The following ARHGAP20 variants were observed in gnomAD, a reference collection of about 807,000 sequenced individuals.
The protein encoded by ARHGAP20 is rho GTPase-activating protein 20.
Under a neutral mutation model 73.7 loss-of-function variants are expected in ARHGAP20, and 34 were observed. That is an observed-to-expected ratio of 0.46 (90% CI 0.35 to 0.61). The LOEUF (loss-of-function observed/expected upper bound fraction) is 0.61, where lower values mean the gene tolerates loss of function less well. ARHGAP20 is among the 20% of genes least tolerant of loss of function. The pLI is 0.00. For missense variants in ARHGAP20, 1,314 were observed against 1,420.9 expected, an observed-to-expected ratio of 0.92 and a Z score of 1.21; for synonymous variants, 523 against 518.2, an observed-to-expected ratio of 1.01 and a Z score of -0.13.
intron 4 of ARHGAP20, among the ~76,000 whole-genome samples, chr11:110,620,314 T>C (rs771177126): frequency 6.6e-6 from 1 of 152,106 alleles, no homozygotes; most frequent in Non-Finnish European, 1.5e-5. Context: ...CATGCCTGCA[T>C]AATATTTTGA....
intron 1 of ARHGAP20, among the ~76,000 whole-genome samples, chr11:110,709,015 A>C (rs894796892): frequency 6.6e-6 from 1 of 152,184 alleles, no homozygotes; most frequent in Non-Finnish European, 1.5e-5. Context: ...CCATCATTAC[A>C]CAATGTACCA....
chr11:110,711,280 GGAACAC>G (rs1380707361), intron 1 of ARHGAP20, among the ~76,000 whole-genome samples: 14 of 152,112 alleles, frequency 9.2e-5, no homozygotes, highest in Non-Finnish European at 2.1e-4. Flanking sequence ...GCTTTGACAG[GGAACAC>G]GCGCTGCCCC....
intron 1 of ARHGAP20, among the ~76,000 whole-genome samples, chr11:110,709,566 G>A (rs1245397440): frequency 6.6e-6 from 1 of 152,172 alleles, no homozygotes; most frequent in South Asian, 2.1e-4. Flanking sequence ...GCAGGCCTCT[G>A]CTAGAACCTA....
intron 1 of ARHGAP20, among the ~76,000 whole-genome samples, chr11:110,704,121 G>A (rs1212972280): frequency 6.6e-6 from 1 of 152,162 alleles, no homozygotes; most frequent in Non-Finnish European, 1.5e-5. Context: ...CATATCAAAT[G>A]AGAATAAAAA....
chr11:110,704,935 T>C (rs979042905), intron 1 of ARHGAP20, among the ~76,000 whole-genome samples: 3 of 152,154 alleles, frequency 2.0e-5, no homozygotes, highest in Non-Finnish European at 2.9e-5. Flanking sequence ...TAAAAATATA[T>C]ATTTCCTCAA....
At chr11:110,701,648 G>C (rs1450009250) in intron 1 of ARHGAP20, among the ~76,000 whole-genome samples, 1 of 152,088 alleles carries the variant, frequency 6.6e-6, no homozygotes, top group South Asian at 2.1e-4. Context: ...TAGACATGAA[G>C]TCCTTGCCCA....
intron 11 of ARHGAP20, among the ~76,000 whole-genome samples, chr11:110,587,040 T>TA (rs1353695567): frequency 2.6e-5 from 4 of 152,220 alleles, no homozygotes; most frequent in African/African-American, 9.6e-5. Flanking sequence ...GACCCTATTC[T>TA]ACTGAGACCA....
At chr11:110,584,943 A>ATG (rs1947592596) in intron 12 of ARHGAP20, among the ~76,000 whole-genome samples, 2 of 128,238 alleles carry the variant, frequency 1.6e-5, no homozygotes, top group Admixed American at 9.5e-5. Flanking sequence ...ATATGTGTAT[A>ATG]TGAATATATG....
At position 110,625,035 on chromosome 11, in the gene ARHGAP20, T is replaced by TA. The variant is rs1365299863; in HGVS notation, c.354-725_354-724insT. On this transcript the variant is annotated intron_variant, in intron 3 of 14. Coordinates refer to ENST00000683387, the MANE Select transcript of ARHGAP20 (RefSeq NM_001384657.1). ...TTTTTTTTTTATTTTTATTTTTATT[T>TA]TTTTTTTTTTTTTGAGACGGAGTCT... Among the ~76,000 whole-genome samples, 358 of 132,150 alleles carry TA rather than the reference T, an allele frequency of 2.7e-3. 2 individuals are homozygous for TA. The highest frequency in any genetic ancestry group is 7.3e-3 in the East Asian group (36 of 4,922). 86.7% of individuals were successfully genotyped at this position (132,150 alleles called of 152,430 possible).
In ARHGAP20 at chr11:110,712,252, T is replaced by A; in HGVS notation, c.-21A>T. 1 of 1,319,638 alleles carries A rather than the reference T, an allele frequency of 7.6e-7. No homozygotes were observed. The allele number at this position is 1,319,638 out of a possible 1,614,324, so 81.7% of individuals were successfully genotyped here. A position where few individuals can be genotyped will look rare whatever the true frequency, so the allele number is the denominator to read the frequency against. On this transcript the variant is annotated 5_prime_UTR_variant, in exon 1 of 15. Transcript: ENST00000683387. ...TCCATGAAGAAAATCTTCAAACAAATCCCAGCCCAGGAGGAGGCTACACGA... is the reference window on the plus strand; with the variant it reads ...TCCATGAAGAAAATCTTCAAACAAAACCCAGCCCAGGAGGAGGCTACACGA...
At chr11:110,588,232 T>G (rs190460393) in intron 11 of ARHGAP20, among the ~76,000 whole-genome samples, 1 of 152,202 alleles carries the variant, frequency 6.6e-6, no homozygotes, top group Non-Finnish European at 1.5e-5. Context: ...CAGCACTTAG[T>G]TGAATGTCTC....
intron 1 of ARHGAP20, among the ~76,000 whole-genome samples, chr11:110,697,211 T>C (rs1950353099): frequency 6.6e-6 from 1 of 151,662 alleles, no homozygotes; most frequent in South Asian, 2.1e-4. Flanking sequence ...CCCATCAATA[T>C]TGTATGTTTC....
At chr11:110,669,803 T>C (rs1591160915) in intron 2 of ARHGAP20, among the ~76,000 whole-genome samples, 1 of 152,264 alleles carries the variant, frequency 6.6e-6, no homozygotes, top group South Asian at 2.1e-4. Flanking sequence ...CACTTCTTGG[T>C]ACTTATTGAG....
In ARHGAP20 at chr11:110,695,473, T is replaced by A. The variant is rs527599830; in HGVS notation, c.106-4844A>T. Among the ~76,000 whole-genome samples, 3 of 151,518 alleles carry A rather than the reference T, an allele frequency of 2.0e-5. No homozygotes were observed. The East Asian group carries it at 5.8e-4, about 29-fold the overall frequency. On this transcript the variant is annotated intron_variant, in intron 1 of 14. Transcript: ENST00000683387. Reference sequence around the variant, plus strand: ...GACTTGTATCTATTATAAAGAAATATTAAAACTCAATAATAAAGGCAAATT... The same window carrying A: ...GACTTGTATCTATTATAAAGAAATAATAAAACTCAATAATAAAGGCAAATT...
chr11:110,642,656 A>G (rs1416723604), intron 2 of ARHGAP20, among the ~76,000 whole-genome samples: 2 of 151,796 alleles, frequency 1.3e-5, no homozygotes, highest in Admixed American at 1.3e-4. Flanking sequence ...TGGTGAATTA[A>G]CTTTTTGATT....
At chr11:110,647,608 G>T (rs1469334179) in intron 2 of ARHGAP20, among the ~76,000 whole-genome samples, 1 of 152,014 alleles carries the variant, frequency 6.6e-6, no homozygotes, top group Non-Finnish European at 1.5e-5. Flanking sequence ...TTATGCAAAG[G>T]CACTAACTTG....
intron 3 of ARHGAP20, among the ~76,000 whole-genome samples, chr11:110,627,799 A>C (rs368300543): frequency 6.6e-6 from 1 of 152,216 alleles, no homozygotes; most frequent in South Asian, 2.1e-4. Context: ...GAGAATATTA[A>C]CTTCTTTCTA....
chr11:110,594,088 G>T (rs1408428585), intron 9 of ARHGAP20, among the ~76,000 whole-genome samples: 1 of 152,182 alleles, frequency 6.6e-6, no homozygotes, highest in Non-Finnish European at 1.5e-5. Context: ...TATATTGTTG[G>T]CTACCTTAGC....
chr11:110,647,610 A>T (rs903220573), intron 2 of ARHGAP20, among the ~76,000 whole-genome samples: 1 of 152,128 alleles, frequency 6.6e-6, no homozygotes, highest in African/African-American at 2.4e-5. Flanking sequence ...ATGCAAAGGC[A>T]CTAACTTGTT....
Sources: allele counts gnomAD v4.1 joint callset (sites outside exome capture counted in the v4.1 genomes callset), GRCh38; gene constraint gnomAD v4.1.1; transcripts MANE v1.5; gene names NCBI Gene and HGNC (gene_info 2026-07-23, HGNC 2026-07-21).